The following CAMK1D variants were observed in gnomAD, a reference collection of about 807,000 sequenced individuals.
The protein encoded by CAMK1D is calcium/calmodulin dependent protein kinase ID.
In CAMK1D, 9 loss-of-function variants were observed where a neutral mutation model predicts 47.7. The ratio of observed to expected loss-of-function variants is 0.19; its 90% CI spans 0.11 to 0.33. The LOEUF is 0.33. Among genes scored for constraint, CAMK1D ranks in the 10% least tolerant of loss-of-function variants. The probability of loss-of-function intolerance (pLI) is 1.00; values close to 1 mark genes in which losing one functional copy is unlikely to be tolerated. For missense variants in CAMK1D, 291 were observed against 488.7 expected (o/e 0.60, Z 3.81); for synonymous variants, 184 against 184.9 (o/e 0.99, Z 0.04).
At chr10:12,448,654 T>A (rs1169285985) in intron 1 of CAMK1D, among the ~76,000 whole-genome samples, 1 of 152,188 alleles carries the variant, frequency 6.6e-6, no homozygotes, top group Non-Finnish European at 1.5e-5. Context: ...GTGAAAAACA[T>A]TTTTTCGACA....
At chr10:12,766,588 G>GA (rs995810924) in intron 4 of CAMK1D, among the ~76,000 whole-genome samples, 10 of 150,592 alleles carry the variant, frequency 6.6e-5, no homozygotes, top group South Asian at 6.3e-4. Flanking sequence ...TTCTTTGTTA[G>GA]AAAAAAAAAT....
intron 3 of CAMK1D, 34 bp downstream of exon 3, chr10:12,666,844 C>T (rs755089140): frequency 6.5e-7 from 1 of 1,532,394 alleles, no homozygotes; most frequent in Admixed American, 1.7e-5. Flanking sequence ...AGTTTTGAAC[C>T]AACTTGCAAA....
At chr10:12,439,218 T>C (rs368930014) in intron 1 of CAMK1D, among the ~76,000 whole-genome samples, 1 of 152,188 alleles carries the variant, frequency 6.6e-6, no homozygotes, top group African/African-American at 2.4e-5. Context: ...ATATTCGAAG[T>C]CATTCTTGAC....
chr10:12,351,241 T>C (rs1837346947), intron 1 of CAMK1D, among the ~76,000 whole-genome samples: 1 of 152,166 alleles, frequency 6.6e-6, no homozygotes, highest in South Asian at 2.1e-4. Flanking sequence ...GTTGTTGCCT[T>C]TCAGGGAGGG....
chr10:12,667,997 A>G (rs1840486214), intron 3 of CAMK1D, among the ~76,000 whole-genome samples: 2 of 152,224 alleles, frequency 1.3e-5, no homozygotes, highest in South Asian at 4.1e-4. Context: ...TAGCAGTTTT[A>G]GAGATTTGTA....
At chr10:12,400,683 C>G (rs1839142525) in intron 1 of CAMK1D, among the ~76,000 whole-genome samples, 1 of 152,092 alleles carries the variant, frequency 6.6e-6, no homozygotes, top group Non-Finnish European at 1.5e-5. Context: ...GACCTGATTT[C>G]TCTGGAATCC....
chr10:12,543,171 C>T (rs1836252459), intron 1 of CAMK1D, among the ~76,000 whole-genome samples: 1 of 152,122 alleles, frequency 6.6e-6, no homozygotes, highest in Non-Finnish European at 1.5e-5. Context: ...TCTCAGCCTC[C>T]CGAGTTGCCG....
chr10:12,698,697 G>A (rs1269516117), intron 3 of CAMK1D, among the ~76,000 whole-genome samples: 3 of 6,926 alleles, frequency 4.3e-4, no homozygotes, highest in Non-Finnish European at 2.5e-3. Flanking sequence ...TTTTTGAGAC[G>A]GAGTGTCGCT....
chr10:12,585,364 C>T (rs750038709), intron 2 of CAMK1D, among the ~76,000 whole-genome samples: 1 of 152,192 alleles, frequency 6.6e-6, no homozygotes, highest in Non-Finnish European at 1.5e-5. Flanking sequence ...AAGCTGCCTC[C>T]GCCTGGGGTC....
In CAMK1D at chr10:12,414,351, G is replaced by A. The variant is rs1241896637; in HGVS notation, c.92+64441G>A. ...AGTTTACAAAGAAGACAGCATTTGT[G>A]TACAGTAGCTATATTAGTTGTGACA... On this transcript the variant is annotated intron_variant, in intron 1 of 10. Coordinates refer to ENST00000619168, the MANE Select transcript of CAMK1D (RefSeq NM_153498.4). Among the ~76,000 whole-genome samples, 3 of 152,148 alleles carry A rather than the reference G, an allele frequency of 2.0e-5. No homozygotes were observed. In the East Asian group the frequency reaches 5.8e-4, roughly 29 times the overall value.
intron 2 of CAMK1D, among the ~76,000 whole-genome samples, chr10:12,662,829 G>A (rs895555288): frequency 6.6e-6 from 1 of 152,210 alleles, no homozygotes; most frequent in Admixed American, 6.5e-5. Context: ...TATATTTTCT[G>A]TGTGCCAGTG....
chr10:12,496,210 T>C (rs916079236), intron 1 of CAMK1D, among the ~76,000 whole-genome samples: 1 of 152,214 alleles, frequency 6.6e-6, no homozygotes, highest in African/African-American at 2.4e-5. Flanking sequence ...CCAATGTCTT[T>C]ATGAAGTTGG....
At chr10:12,407,849 CTTTTTTTTTTTTCTT>C (rs1209591695) in intron 1 of CAMK1D, among the ~76,000 whole-genome samples, 2 of 126,256 alleles carry the variant, frequency 1.6e-5, no homozygotes, top group African/African-American at 6.1e-5. Flanking sequence ...TTGGCTGACT[CTTTTTTTTTTTTCTT>C]TTTTTTTTTT....
intron 2 of CAMK1D, among the ~76,000 whole-genome samples, chr10:12,562,679 G>A (rs1483574847): frequency 6.6e-6 from 1 of 152,098 alleles, no homozygotes; most frequent in Non-Finnish European, 1.5e-5. Flanking sequence ...CCTCCTTCAG[G>A]ACACCTCTTG....
chr10:12,432,280 A>G (rs530273049), intron 1 of CAMK1D, among the ~76,000 whole-genome samples: 53 of 152,296 alleles, frequency 3.5e-4, no homozygotes, highest in African/African-American at 1.2e-3. Flanking sequence ...GTGATTCTCA[A>G]GTTTTCTCCT....
intron 1 of CAMK1D, among the ~76,000 whole-genome samples, chr10:12,507,836 T>C (rs1391776274): frequency 6.6e-6 from 1 of 152,212 alleles, no homozygotes; most frequent in African/African-American, 2.4e-5. Context: ...CAGGGAATTT[T>C]GATCCTTGCT....
chr10:12,512,867 C>T (rs1213225556), intron 1 of CAMK1D, among the ~76,000 whole-genome samples: 1 of 152,238 alleles, frequency 6.6e-6, no homozygotes, highest in Non-Finnish European at 1.5e-5. Context: ...AAGCCGACCA[C>T]ATGGGGCTAA....
chr10:12,786,721 C>G (rs1359825457), intron 5 of CAMK1D, among the ~76,000 whole-genome samples: 2 of 152,182 alleles, frequency 1.3e-5, no homozygotes, highest in Non-Finnish European at 2.9e-5. Context: ...TACATGTAGC[C>G]CAGGAACCTT....
At chr10:12,530,331 A>T (rs1349264607) in intron 1 of CAMK1D, among the ~76,000 whole-genome samples, 1 of 152,176 alleles carries the variant, frequency 6.6e-6, no homozygotes, top group Non-Finnish European at 1.5e-5. Context: ...AAAGCACAGG[A>T]CTGAATTATC....
Sources: allele counts gnomAD v4.1 joint callset (sites outside exome capture counted in the v4.1 genomes callset), GRCh38; gene constraint gnomAD v4.1.1; transcripts MANE v1.5; gene names NCBI Gene and HGNC (gene_info 2026-07-23, HGNC 2026-07-21).